TFAP2D: variants seen among roughly 807,000 people sequenced by gnomAD.
TFAP2D encodes the protein transcription factor AP-2-delta.
Under a neutral mutation model 43.6 loss-of-function variants are expected in TFAP2D, and 9 were observed. The observed-to-expected ratio is 0.21, with a 90% CI of 0.12 to 0.36. The LOEUF is 0.36. Among genes scored for constraint, TFAP2D ranks in the 10% least tolerant of loss-of-function variants. The probability of loss-of-function intolerance (pLI) is 1.00; values close to 1 mark genes in which losing one functional copy is unlikely to be tolerated. For missense variants in TFAP2D, 513 were observed against 561.4 expected (o/e 0.91, Z 0.87); for synonymous variants, 256 against 224.9 (o/e 1.14, Z -1.24).
chr6:50,714,104 C>CG lies in TFAP2D; in HGVS notation c.39+10_39+11insG. On this transcript the variant is annotated intron_variant, in intron 1 of 7. Coordinates refer to ENST00000008391, the MANE Select transcript of TFAP2D (RefSeq NM_172238.4). ...AGTCCACGATGCCGAGGTATTATTA[C>CG]TTTTTTTTTTTTTTTTTTTTGAGCG... 7.2e-7 allele frequency: 1 copy of CG among 1,398,328 alleles called. No individual in the cohort carries two copies. The highest frequency in any genetic ancestry group is 9.4e-7 in the Non-Finnish European group (1 of 1,064,566). The allele number at this position is 1,398,328 out of a possible 1,614,324, so 86.6% of individuals were successfully genotyped here. A position where few individuals can be genotyped will look rare whatever the true frequency, so the allele number is the denominator to read the frequency against.
rs28695774 is a variant in TFAP2D, at chr6:50,738,231, T to C, written c.884-6876T>C. On this transcript the variant is annotated intron_variant, in intron 5 of 7. Coordinates refer to ENST00000008391, the MANE Select transcript of TFAP2D (RefSeq NM_172238.4). ...TTATGGAGTAATATTTGTACTTTCG[T>C]TATTGATTTGTAAGTTTTCAGTCTC... Among the ~76,000 whole-genome samples the C allele has an allele frequency of 1.6e-4, 25 of 152,232 alleles. No homozygotes were observed. The East Asian group carries it at 4.8e-3, about 29-fold the overall frequency.
In TFAP2D at chr6:50,729,333, A is replaced by G. The variant is rs755811577; in HGVS notation, c.883+21A>G. On this transcript the variant is annotated intron_variant, in intron 5 of 7. Coordinates refer to ENST00000008391, the MANE Select transcript of TFAP2D (RefSeq NM_172238.4). ...TGAAGGTATGACTTTTCAGTTTAGC[A>G]AAATAATGCTGGAAGGTTGGCGTGT... 26 of 1,597,230 alleles carry G rather than the reference A, an allele frequency of 1.6e-5. No individual in the cohort carries two copies. The Middle Eastern group carries it at 6.6e-4, about 41-fold the overall frequency.
rs1027773436 is a variant in TFAP2D at position 50,713,947 on chromosome 6, A to T, written c.-109A>T. Reference sequence around the variant, plus strand: ...CAATTTAGATATCTACCTATAGAACATTTTTTTTTTCCTTTAAAAATTGGA... The same window carrying T: ...CAATTTAGATATCTACCTATAGAACTTTTTTTTTTTCCTTTAAAAATTGGA... On this transcript the variant is annotated 5_prime_UTR_variant, in exon 1 of 8. Coordinates refer to ENST00000008391, the MANE Select transcript of TFAP2D (RefSeq NM_172238.4). 100 of 1,441,084 alleles carry T rather than the reference A, an allele frequency of 6.9e-5. No homozygotes were observed. Among genetic ancestry groups the T allele is most frequent in the Middle Eastern group, 1.8e-4 (1 of 5,540 alleles). 89.3% of individuals were successfully genotyped at this position (1,441,084 alleles called of 1,614,324 possible).
intron 5 of TFAP2D, among the ~76,000 whole-genome samples, chr6:50,734,838 A>T (rs1444495533): frequency 1.3e-5 from 2 of 152,120 alleles, no homozygotes; most frequent in Non-Finnish European, 1.5e-5. Flanking sequence ...ATCTACCCAC[A>T]ACATCTGACC....
At chr6:50,715,043 A>T in intron 1 of TFAP2D, 73 bp from the exon 2 acceptor site, 3 of 1,548,880 alleles carry the variant, frequency 1.9e-6, no homozygotes, top group Middle Eastern at 1.9e-4. Flanking sequence ...TGGCTCCGGG[A>T]GAGCGGCGCC....
At chr6:50,764,754 T>C (rs987835335) in intron 7 of TFAP2D, among the ~76,000 whole-genome samples, 2 of 152,168 alleles carry the variant, frequency 1.3e-5, no homozygotes, top group Non-Finnish European at 2.9e-5. Context: ...GTTTTCCATC[T>C]CAGACCTGTT....
At chr6:50,749,223 T>G (rs1769166263) in intron 6 of TFAP2D, among the ~76,000 whole-genome samples, 1 of 151,716 alleles carries the variant, frequency 6.6e-6, no homozygotes. Flanking sequence ...CCTGTGTGAA[T>G]TATTTAGCAT....
chr6:50,742,950 T>G (rs1769072693), intron 5 of TFAP2D, among the ~76,000 whole-genome samples: 1 of 71,150 alleles, frequency 1.4e-5, no homozygotes, highest in Admixed American at 1.4e-4. Context: ...AACAACGACT[T>G]TAAAACACAC....
chr6:50,748,206 C>G (rs1168525721), intron 6 of TFAP2D, among the ~76,000 whole-genome samples: 1 of 151,760 alleles, frequency 6.6e-6, no homozygotes, highest in Non-Finnish European at 1.5e-5. Flanking sequence ...AAATAATACC[C>G]TTTTTGTGCA....
intron 5 of TFAP2D, among the ~76,000 whole-genome samples, chr6:50,740,619 A>G (rs1769028293): frequency 6.6e-6 from 1 of 151,758 alleles, no homozygotes; most frequent in African/African-American, 2.4e-5. Context: ...TTGTATTTTT[A>G]ATAGAGATGG....
At chr6:50,763,404 A>G (rs1431465995) in intron 7 of TFAP2D, among the ~76,000 whole-genome samples, 1 of 152,012 alleles carries the variant, frequency 6.6e-6, no homozygotes, top group Non-Finnish European at 1.5e-5. Flanking sequence ...GCTGTTATCT[A>G]GCTTACCTTC....
chr6:50,736,378 A>G (rs1167482911), intron 5 of TFAP2D, among the ~76,000 whole-genome samples: 1 of 152,102 alleles, frequency 6.6e-6, no homozygotes, highest in Non-Finnish European at 1.5e-5. Context: ...TAGGTTTCGT[A>G]TCATTCATAA....
intron 3 of TFAP2D, among the ~76,000 whole-genome samples, chr6:50,727,355 T>C (rs1768821902): frequency 6.6e-6 from 1 of 152,180 alleles, no homozygotes; most frequent in South Asian, 2.1e-4. Flanking sequence ...CAGGTTCTTT[T>C]GCAACCCAGC....
intron 7 of TFAP2D, among the ~76,000 whole-genome samples, chr6:50,768,644 A>T (rs1036589589): frequency 6.6e-6 from 1 of 152,140 alleles, no homozygotes; most frequent in Non-Finnish European, 1.5e-5. Flanking sequence ...AGTACATTAG[A>T]TTACTTTAAT....
intron 5 of TFAP2D, among the ~76,000 whole-genome samples, chr6:50,733,888 A>C (rs9473903): frequency 0.015 from 2,302 of 152,130 alleles, 58 homozygotes; most frequent in African/African-American, 0.052. Flanking sequence ...CAGGGTTCTG[A>C]AAGTATAGAT....
At chr6:50,761,228 C>CAA (rs35485585) in intron 7 of TFAP2D, among the ~76,000 whole-genome samples, 5,368 of 142,890 alleles carry the variant, frequency 0.038, 140 homozygotes, top group Non-Finnish European at 0.06. Flanking sequence ...TCACACACAC[C>CAA]AAAAAAAAAA....
chr6:50,748,976 G>T (rs562692011), intron 6 of TFAP2D, among the ~76,000 whole-genome samples: 1 of 151,794 alleles, frequency 6.6e-6, no homozygotes, highest in Admixed American at 6.6e-5. Context: ...GCCTTGAGAT[G>T]TAAGATTGTT....
chr6:50,767,941 T>A (rs976711989), intron 7 of TFAP2D, among the ~76,000 whole-genome samples: 2 of 152,220 alleles, frequency 1.3e-5, no homozygotes, highest in African/African-American at 4.8e-5. Context: ...CTCCAGGGCC[T>A]CATTGAGGAT....
At chr6:50,724,393 A>G (rs1768775386) in intron 3 of TFAP2D, among the ~76,000 whole-genome samples, 2 of 152,130 alleles carry the variant, frequency 1.3e-5, no homozygotes, top group African/African-American at 2.4e-5. Flanking sequence ...AGGCGAACAG[A>G]TCATTTATTT....
Sources: allele counts gnomAD v4.1 joint callset (sites outside exome capture counted in the v4.1 genomes callset), GRCh38; gene constraint gnomAD v4.1.1; transcripts MANE v1.5; gene names NCBI Gene and HGNC (gene_info 2026-07-23, HGNC 2026-07-21).